FAM135B: variants seen among roughly 807,000 people sequenced by gnomAD.
The protein encoded by FAM135B is protein FAM135B.
FAM135B carries 43 observed loss-of-function variants against 127.7 expected under a neutral mutation model. The observed-to-expected ratio is 0.34, with a 90% CI of 0.26 to 0.43. FAM135B has a LOEUF of 0.43. Ranked by LOEUF, FAM135B falls within the 20% of genes least tolerant of loss-of-function variation. The pLI, the probability that FAM135B is intolerant of heterozygous loss-of-function variation, is 1.00. For missense variants in FAM135B, 1,558 were observed against 1,725.6 expected, an observed-to-expected ratio of 0.90 and a Z score of 1.72; for synonymous variants, 670 against 665.1, an observed-to-expected ratio of 1.01 and a Z score of -0.11.
intron 2 of FAM135B, among the ~76,000 whole-genome samples, chr8:138,311,762 C>A (rs757955445): frequency 3.9e-5 from 6 of 152,146 alleles, no homozygotes; most frequent in Non-Finnish European, 1.5e-5. Flanking sequence ...TTGCACTGCA[C>A]ATACACTCGT....
intron 9 of FAM135B, among the ~76,000 whole-genome samples, chr8:138,180,980 C>A (rs545176895): frequency 6.6e-6 from 1 of 152,162 alleles, no homozygotes; most frequent in Admixed American, 6.5e-5. Flanking sequence ...GTGGCTCATA[C>A]CTGTAATCCC....
intron 2 of FAM135B, among the ~76,000 whole-genome samples, chr8:138,334,633 A>G (rs1828428679): frequency 6.6e-6 from 1 of 152,172 alleles, no homozygotes; most frequent in African/African-American, 2.4e-5. Context: ...TATAAGTGAG[A>G]ACATGTGGTA....
intron 1 of FAM135B, among the ~76,000 whole-genome samples, chr8:138,447,439 A>C (rs1274794784): frequency 3.3e-5 from 5 of 152,218 alleles, no homozygotes; most frequent in African/African-American, 1.2e-4. Context: ...GATTAAAAAA[A>C]TGTGGCACAT....
intron 1 of FAM135B, among the ~76,000 whole-genome samples, chr8:138,491,796 A>T (rs1458846711): frequency 6.6e-6 from 1 of 152,226 alleles, no homozygotes; most frequent in African/African-American, 2.4e-5. Context: ...TGATATGCTA[A>T]GGTGACATTT....
At chr8:138,277,635 A>C (rs1823937646) in intron 3 of FAM135B, among the ~76,000 whole-genome samples, 1 of 152,166 alleles carries the variant, frequency 6.6e-6, no homozygotes, top group Non-Finnish European at 1.5e-5. Flanking sequence ...TATGGTAACC[A>C]CACACTTATT....
chr8:138,196,571 G>C (rs1024601721), intron 8 of FAM135B, among the ~76,000 whole-genome samples: 10 of 152,132 alleles, frequency 6.6e-5, no homozygotes, highest in African/African-American at 2.4e-4. Context: ...GTGCAGCAAT[G>C]AACAATGAAC....
intron 9 of FAM135B, among the ~76,000 whole-genome samples, chr8:138,180,254 A>C (rs904467629): frequency 6.6e-5 from 10 of 152,176 alleles, no homozygotes; most frequent in African/African-American, 2.2e-4. Context: ...TCCCAGGCAC[A>C]TGTTTAGAAT....
chr8:138,207,216 CTT>C (rs72229891), intron 7 of FAM135B, among the ~76,000 whole-genome samples: 4,162 of 133,906 alleles, frequency 0.031, 84 homozygotes, highest in East Asian at 0.13. Flanking sequence ...TGAAACAATA[CTT>C]TTTTTTTTTT....
intron 2 of FAM135B, among the ~76,000 whole-genome samples, chr8:138,362,257 C>T (rs1830463092): frequency 1.3e-5 from 2 of 150,208 alleles, no homozygotes. Context: ...GCCCCACCTC[C>T]CTCTCACCAT....
chr8:138,444,878 A>G (rs1236826555), intron 1 of FAM135B, among the ~76,000 whole-genome samples: 1 of 152,202 alleles, frequency 6.6e-6, no homozygotes, highest in Non-Finnish European at 1.5e-5. Context: ...GTTTTTTGAA[A>G]AGATCAACAA....
At chr8:138,445,088 C>T (rs1220879829) in intron 1 of FAM135B, among the ~76,000 whole-genome samples, 2 of 152,124 alleles carry the variant, frequency 1.3e-5, no homozygotes, top group South Asian at 2.1e-4. Context: ...ATACACCCTC[C>T]CAAGACTAAA....
intron 1 of FAM135B, among the ~76,000 whole-genome samples, chr8:138,405,060 C>T (rs533188038): frequency 6.6e-6 from 1 of 152,204 alleles, no homozygotes; most frequent in Non-Finnish European, 1.5e-5. Flanking sequence ...AAATGTATTT[C>T]TTAAATAATA....
intron 7 of FAM135B, among the ~76,000 whole-genome samples, chr8:138,240,361 C>T (rs1219258011): frequency 6.6e-6 from 1 of 152,130 alleles, no homozygotes; most frequent in Non-Finnish European, 1.5e-5. Context: ...CATTCCATCC[C>T]ACTTCATACC....
intron 12 of FAM135B, among the ~76,000 whole-genome samples, chr8:138,154,007 C>A (rs1444337056): frequency 6.6e-6 from 1 of 152,196 alleles, no homozygotes; most frequent in Non-Finnish European, 1.5e-5. Context: ...GTCCCTGACC[C>A]CCGAGTAGCC....
At chr8:138,344,499 T>C (rs899768545) in intron 2 of FAM135B, among the ~76,000 whole-genome samples, 1 of 152,070 alleles carries the variant, frequency 6.6e-6, no homozygotes, top group Non-Finnish European at 1.5e-5. Flanking sequence ...AGGTCTCCTG[T>C]TAAATGTTAC....
Position 138,183,114 on chromosome 8 carries a change from A to AG in FAM135B, c.874-4425dup, listed in dbSNP as rs546617178. Among the ~76,000 whole-genome samples, 7 of 44,782 alleles carry AG rather than the reference A, an allele frequency of 1.6e-4. No individual in the cohort carries two copies. The South Asian group carries it at 3.3e-3, about 21-fold the overall frequency. 29.4% of individuals were successfully genotyped at this position (44,782 alleles called of 152,430 possible). A position where few individuals can be genotyped will look rare whatever the true frequency, so the allele number is the denominator to read the frequency against. On this transcript the variant is annotated intron_variant, in intron 9 of 19. Transcript: ENST00000395297. The stretch of plus-strand genomic sequence containing the variant: ...CCAGGTGCCCTCTCCTACATATACA[A>AG]GGGGGGTGGGGGGGCGGTCTAAGAA...
chr8:138,185,377 C>G (rs1815454127), intron 9 of FAM135B, among the ~76,000 whole-genome samples: 1 of 152,188 alleles, frequency 6.6e-6, no homozygotes, highest in Admixed American at 6.5e-5. Flanking sequence ...AGCTCCTTCA[C>G]AGCAGAAACT....
chr8:138,422,867 A>G (rs564777015), intron 1 of FAM135B, among the ~76,000 whole-genome samples: 2 of 152,314 alleles, frequency 1.3e-5, no homozygotes, highest in South Asian at 4.1e-4. Context: ...ATTTACATAC[A>G]TATCCATTAA....
intron 2 of FAM135B, among the ~76,000 whole-genome samples, chr8:138,312,426 C>T (rs1826759737): frequency 6.6e-6 from 1 of 152,070 alleles, no homozygotes; most frequent in Admixed American, 6.6e-5. Flanking sequence ...AACCTCAGGA[C>T]CCAAGGAGAG....
Sources: gnomAD v4.1 joint callset for allele counts (sites outside exome capture counted in the v4.1 genomes callset) on GRCh38, gnomAD v4.1.1 for gene constraint, MANE v1.5 for transcripts, NCBI Gene and HGNC (gene_info 2026-07-23, HGNC 2026-07-21) for gene names.